The following COMMD6 variants were observed in gnomAD, a reference collection of about 807,000 sequenced individuals.
COMMD6 encodes COMM domain-containing protein 6.
A neutral mutation model predicts 13.4 loss-of-function variants in COMMD6; 11 were observed. That is an observed-to-expected ratio of 0.82 (90% CI 0.52 to 1.36). The LOEUF (loss-of-function observed/expected upper bound fraction) is 1.36, where lower values mean the gene tolerates loss of function less well. Ranked by LOEUF, COMMD6 falls within the 40% of genes most tolerant of loss-of-function variation. COMMD6 has a pLI of 0.00. For synonymous variants in COMMD6, 43 were observed against 36.5 expected (o/e 1.18, Z -0.64); for missense variants, 124 against 102.4 (o/e 1.21, Z -0.91).
At chr13:75,540,130 C>T (rs778852154), upstream of COMMD6, among the ~76,000 whole-genome samples, 10 of 151,916 alleles carry the variant, frequency 6.6e-5, no homozygotes, top group Non-Finnish European at 1.2e-4. Context: ...GCCACCATGC[C>T]CAGCTATTTT....
At chr13:75,536,384 G>A (rs2030664011) in intron 2 of COMMD6, among the ~76,000 whole-genome samples, 1 of 152,156 alleles carries the variant, frequency 6.6e-6, no homozygotes, top group African/African-American at 2.4e-5. Flanking sequence ...CTGAATAATG[G>A]CCCTCCCAAA....
At chr13:75,540,893 G>T (rs183001495), upstream of COMMD6, among the ~76,000 whole-genome samples, 31 of 152,242 alleles carry the variant, frequency 2.0e-4, no homozygotes, top group Middle Eastern at 3.4e-3. Flanking sequence ...TGTAAAAAAC[G>T]AAATTGGTAC....
chr13:75,527,873 T>G (rs1209306406), intron 3 of COMMD6: 2 of 1,499,370 alleles, frequency 1.3e-6, no homozygotes, highest in Admixed American at 4.3e-5. Context: ...TGGGGAAATG[T>G]TAGTAAAAAG....
At chr13:75,547,950 T>C (rs2030934150) in intron 1 of COMMD6, among the ~76,000 whole-genome samples, 1 of 152,222 alleles carries the variant, frequency 6.6e-6, no homozygotes, top group South Asian at 2.1e-4. Flanking sequence ...AGTGTATCCC[T>C]AGCAAGACAG....
chr13:75,548,371 G>C (rs547812938), intron 1 of COMMD6, among the ~76,000 whole-genome samples: 1 of 152,226 alleles, frequency 6.6e-6, no homozygotes, highest in Non-Finnish European at 1.5e-5. Context: ...CCAGAAGAAC[G>C]TGGGTGGGAG....
chr13:75,534,792 G>A (rs564700437), intron 2 of COMMD6, among the ~76,000 whole-genome samples: 3 of 152,178 alleles, frequency 2.0e-5, no homozygotes, highest in Non-Finnish European at 4.4e-5. Flanking sequence ...TTGATGTGGA[G>A]GCTGAAGTTA....
In COMMD6 at chr13:75,537,547, G is replaced by A. The variant is rs953481987; in HGVS notation, c.54+117C>T. The A allele has an allele frequency of 1.9e-6, 3 of 1,594,534 alleles. No homozygotes were observed. The African/African-American group carries it at 4.0e-5, about 21-fold the overall frequency. ...AGCAATGCAAGAGGGACGGCTGAAG[G>A]TCACCGGCTCGCGGACACAGGACTA... On this transcript the variant is annotated intron_variant, in intron 2 of 3. Coordinates refer to ENST00000682242, the MANE Select transcript of COMMD6 (RefSeq NM_203495.4).
chr13:75,534,350 T>C (rs920127485), intron 2 of COMMD6, among the ~76,000 whole-genome samples: 1 of 152,182 alleles, frequency 6.6e-6, no homozygotes, highest in Admixed American at 6.6e-5. Context: ...AACGGAGAGC[T>C]GCCATCAAGA....
upstream of COMMD6, among the ~76,000 whole-genome samples, chr13:75,539,503 TC>T (rs141195563): frequency 0.027 from 4,056 of 152,296 alleles, 84 homozygotes; most frequent in Non-Finnish European, 0.044. Flanking sequence ...GGCCTTGGCC[TC>T]CCAAAGTGCT....
intron 3 of COMMD6, among the ~76,000 whole-genome samples, chr13:75,527,133 G>C (rs982996965): frequency 6.6e-6 from 1 of 152,168 alleles, no homozygotes; most frequent in Non-Finnish European, 1.5e-5. Context: ...TGGTATAACG[G>C]TTCTCCTATA....
upstream of COMMD6, among the ~76,000 whole-genome samples, chr13:75,543,138 T>C (rs1169129394): frequency 6.6e-6 from 1 of 152,146 alleles, no homozygotes; most frequent in African/African-American, 2.4e-5. Context: ...TGAGTATACA[T>C]GAACATAAAG....
intron 1 of COMMD6, 28 bp downstream of exon 1, chr13:75,537,735 GC>G: frequency 6.2e-7 from 1 of 1,613,926 alleles, no homozygotes; most frequent in Non-Finnish European, 8.5e-7. Context: ...GAGCCTCGCT[GC>G]CCACTCTCCT....
At chr13:75,527,550 A>G (rs1353122257) in intron 3 of COMMD6, among the ~76,000 whole-genome samples, 2 of 152,176 alleles carry the variant, frequency 1.3e-5, no homozygotes, top group Non-Finnish European at 2.9e-5. Context: ...CTCTCTTTAA[A>G]AGAGTTGCCT....
chr13:75,529,432 A>G (rs1377767360), intron 3 of COMMD6, among the ~76,000 whole-genome samples: 1 of 151,218 alleles, frequency 6.6e-6, no homozygotes, highest in Non-Finnish European at 1.5e-5. Flanking sequence ...GAGGCAGGAG[A>G]ATGGCGTGAA....
upstream of COMMD6, among the ~76,000 whole-genome samples, chr13:75,539,486 C>G (rs1456546484): frequency 6.6e-6 from 1 of 151,950 alleles, no homozygotes; most frequent in Admixed American, 6.6e-5. Context: ...GTAATCCACC[C>G]ACCTCGGGCC....
At chr13:75,539,935 C>T (rs1009695315), upstream of COMMD6, among the ~76,000 whole-genome samples, 2 of 151,152 alleles carry the variant, frequency 1.3e-5, no homozygotes, top group Non-Finnish European at 2.9e-5. Context: ...GTGCATCCAG[C>T]TGGTCAGTGT....
At chr13:75,544,934 A>AAAAAAAC (rs1370984712) in intron 1 of COMMD6, among the ~76,000 whole-genome samples, 4 of 151,028 alleles carry the variant, frequency 2.6e-5, no homozygotes, top group African/African-American at 9.7e-5. Flanking sequence ...TCCAAAAAAA[A>AAAAAAAC]AAAAAAAACA....
intron 1 of COMMD6, among the ~76,000 whole-genome samples, chr13:75,544,450 G>A (rs1414283209): frequency 2.0e-5 from 3 of 152,150 alleles, no homozygotes; most frequent in Non-Finnish European, 2.9e-5. Context: ...CTTAAAGGTT[G>A]AAGAGTCTAG....
chr13:75,544,939 A>C (rs955297064), intron 1 of COMMD6, among the ~76,000 whole-genome samples: 7 of 151,150 alleles, frequency 4.6e-5, no homozygotes, highest in Admixed American at 4.6e-4. Flanking sequence ...AAAAAAAAAA[A>C]AAACAAAAAA....
Sources: gnomAD v4.1 joint callset for allele counts (sites outside exome capture counted in the v4.1 genomes callset) on GRCh38, gnomAD v4.1.1 for gene constraint, MANE v1.5 for transcripts, NCBI Gene and HGNC (gene_info 2026-07-23, HGNC 2026-07-21) for gene names.